Variants in HIPK3 observed in about 807,000 individuals in gnomAD.
The protein encoded by HIPK3 is homeodomain-interacting protein kinase 3.
A neutral mutation model predicts 124.2 loss-of-function variants in HIPK3; 47 were observed. That is an observed-to-expected ratio of 0.38 (90% CI 0.30 to 0.48). The LOEUF is 0.48. Among genes scored for constraint, HIPK3 ranks in the 20% least tolerant of loss-of-function variants. HIPK3 has a pLI of 0.98. For missense variants in HIPK3, 1,286 were observed against 1,454.3 expected (o/e 0.88, Z 1.88); for synonymous variants, 482 against 515.2 (o/e 0.94, Z 0.87).
rs79792959 is a variant in HIPK3 at position 33,285,434 on chromosome 11, G to A, written c.-2-979G>A. On this transcript the variant is annotated intron_variant, in intron 1 of 16. Transcript: ENST00000303296. Reference sequence around the variant, plus strand: ...GGTAGAAAGTCATTAACTTGTCTTTGTAATATAATGCTTTTTAAGATCAAA... The same window carrying A: ...GGTAGAAAGTCATTAACTTGTCTTTATAATATAATGCTTTTTAAGATCAAA... 5.3e-3 allele frequency among the ~76,000 whole-genome samples: 802 copies of A among 152,138 alleles called. 8 individuals are homozygous for A. Among genetic ancestry groups the A allele is most frequent in the Middle Eastern group, 0.027 (8 of 292 alleles).
chr11:33,299,023 T>A (rs1851917560), intron 2 of HIPK3, among the ~76,000 whole-genome samples: 4 of 151,862 alleles, frequency 2.6e-5, no homozygotes. Context: ...ATTTTTGTAT[T>A]TTTAGTAGAG....
chr11:33,322,912 G>T (rs1852707293), intron 2 of HIPK3, among the ~76,000 whole-genome samples: 1 of 152,202 alleles, frequency 6.6e-6, no homozygotes, highest in Non-Finnish European at 1.5e-5. Flanking sequence ...GAATAGGCCA[G>T]TTCTGTCTGA....
chr11:33,287,104 T>C lies in HIPK3; in HGVS notation c.690T>C (p.Asn230=). The C allele has an allele frequency of 6.2e-7, 1 of 1,614,202 alleles. No homozygotes were observed. Among genetic ancestry groups the C allele is most frequent in the South Asian group, 1.1e-5 (1 of 91,084 alleles). The change falls in exon 2 of 17, where the codon AAT becomes AAC. Residue 230 remains asparagine (N), a synonymous_variant. Transcript: ENST00000303296. ...TTGTAGCAATCAAAATTTTGAAGAATCATCCTTCTTATGCCCGTCAAGGTC... is the reference window on the plus strand; with the variant it reads ...TTGTAGCAATCAAAATTTTGAAGAACCATCCTTCTTATGCCCGTCAAGGTC... The part of the protein sequence containing the change: ...NEIVAIKILK[N]HPSYARQGQI...
chr11:33,339,889 T>C (rs567801469), intron 6 of HIPK3, among the ~76,000 whole-genome samples: 1 of 152,358 alleles, frequency 6.6e-6, no homozygotes, highest in South Asian at 2.1e-4. Context: ...GGTTCTATCA[T>C]ATTTTGAGTC....
At chr11:33,333,887 A>G (rs936421424) in intron 3 of HIPK3, among the ~76,000 whole-genome samples, 3 of 152,226 alleles carry the variant, frequency 2.0e-5, no homozygotes, top group African/African-American at 7.2e-5. Context: ...TTTAGCATCT[A>G]GCAAATAATA....
At chr11:33,299,849 C>A (rs1266851885) in intron 2 of HIPK3, among the ~76,000 whole-genome samples, 1 of 151,508 alleles carries the variant, frequency 6.6e-6, no homozygotes, top group Non-Finnish European at 1.5e-5. Context: ...TGTGGTGGGA[C>A]CTCATCTCTA....
intron 2 of HIPK3, among the ~76,000 whole-genome samples, chr11:33,290,885 C>T (rs1048732734): frequency 2.6e-5 from 4 of 152,054 alleles, no homozygotes; most frequent in African/African-American, 7.2e-5. Flanking sequence ...ATTTACCCGA[C>T]GTTCAGAAGC....
At chr11:33,279,191 A>G (rs974558497) in intron 1 of HIPK3, among the ~76,000 whole-genome samples, 4 of 151,640 alleles carry the variant, frequency 2.6e-5, no homozygotes, top group African/African-American at 9.7e-5. Context: ...GTGTATGCCT[A>G]TAATCCCAGC....
chr11:33,291,089 T>C (rs2133908823), intron 2 of HIPK3, among the ~76,000 whole-genome samples: 1 of 152,314 alleles, frequency 6.6e-6, no homozygotes, highest in Admixed American at 6.5e-5. Flanking sequence ...TGAAAATATA[T>C]TGTAGTCCTT....
rs1271172227 is a variant in HIPK3 at position 33,341,658 on chromosome 11, A to G, written c.1869A>G (p.Thr623=). The G allele has an allele frequency of 6.2e-6, 10 of 1,613,356 alleles. No individual in the cohort carries two copies. Among genetic ancestry groups the G allele is most frequent in the South Asian group, 2.2e-5 (2 of 90,886 alleles). The change falls in exon 8 of 17, where the codon ACA becomes ACG. Residue 623 remains threonine, a synonymous_variant. Coordinates refer to ENST00000303296, the MANE Select transcript of HIPK3 (RefSeq NM_005734.5). ...QFGCGDAFQQ[T]LIICPPAIQG... ...GTTGTGGTGATGCTTTTCAGCAGAC[A>G]TTGATTATCTGTCCCCCAGCTATTC...
chr11:33,324,471 T>C (rs1207573480), intron 2 of HIPK3, among the ~76,000 whole-genome samples: 4 of 152,156 alleles, frequency 2.6e-5, no homozygotes, highest in Non-Finnish European at 5.9e-5. Flanking sequence ...AGATAACGTA[T>C]TGTGAAATGA....
In HIPK3 at chr11:33,353,680, G is replaced by T; in HGVS notation, c.*112G>T. ...AATTATTTTTGAATCATGTAGACTT[G>T]GGTGCAATTTAAACAACTTTGAGCT... On this transcript the variant is annotated 3_prime_UTR_variant, in exon 17 of 17. Transcript: ENST00000303296. 1.3e-6 allele frequency: 1 copy of T among 760,952 alleles called. No homozygotes were observed. Among genetic ancestry groups the T allele is most frequent in the East Asian group, 2.6e-5 (1 of 37,882 alleles). 47.1% of individuals were successfully genotyped at this position (760,952 alleles called of 1,614,324 possible). A position where few individuals can be genotyped will look rare whatever the true frequency, so the allele number is the denominator to read the frequency against.
At chr11:33,347,571 G>C in intron 9 of HIPK3, 58 bp from the exon 10 acceptor site, 4 of 1,589,568 alleles carry the variant, frequency 2.5e-6, no homozygotes, top group Non-Finnish European at 3.4e-6. Context: ...TTAAGATATG[G>C]TAAAGTTCAA....
chr11:33,317,843 T>C (rs1323702672), intron 2 of HIPK3, among the ~76,000 whole-genome samples: 1 of 152,198 alleles, frequency 6.6e-6, no homozygotes. Context: ...CTGTGACTAA[T>C]CACACCTACT....
chr11:33,320,643 A>G (rs909501615), intron 2 of HIPK3, among the ~76,000 whole-genome samples: 1 of 152,212 alleles, frequency 6.6e-6, no homozygotes, highest in Non-Finnish European at 1.5e-5. Context: ...TAGATACACC[A>G]TATTTTGAAG....
At position 33,286,954 on chromosome 11, in the gene HIPK3, T is replaced by C; in HGVS notation, c.540T>C (p.Gly180=). ...GSKQNCTTGE[G]DYQLVQHEVL... ...AACAGAATTGTACCACTGGAGAAGG[T>C]GACTATCAGTTAGTACAGCATGAAG... The change falls in exon 2 of 17, where the codon GGT becomes GGC. Residue 180 remains glycine, a synonymous_variant. Coordinates refer to ENST00000303296, the MANE Select transcript of HIPK3 (RefSeq NM_005734.5). The C allele has an allele frequency of 1.2e-6, 2 of 1,614,144 alleles. No homozygotes were observed. The highest frequency in any genetic ancestry group is 1.7e-6 in the Non-Finnish European group (2 of 1,179,976).
Position 33,341,637 on chromosome 11 carries a change from T to C in HIPK3, c.1848T>C (p.Cys616=). The C allele has an allele frequency of 6.2e-7, 1 of 1,613,840 alleles. No individual in the cohort carries two copies. Among genetic ancestry groups the C allele is most frequent in the Non-Finnish European group, 8.5e-7 (1 of 1,179,800 alleles). ...PLQAGTAQFG[C]GDAFQQTLII... is the part of the protein sequence containing the mutation. ...AGGCAGGAACTGCTCAGTTTGGTTG[T>C]GGTGATGCTTTTCAGCAGACATTGA... The change falls in exon 8 of 17, where the codon TGT becomes TGC. Residue 616 remains cysteine, a synonymous_variant. Transcript: ENST00000303296.
chr11:33,288,811 G>T (rs1053177118), intron 2 of HIPK3, among the ~76,000 whole-genome samples: 17 of 152,020 alleles, frequency 1.1e-4, no homozygotes, highest in African/African-American at 3.9e-4. Flanking sequence ...TATGTTCTTG[G>T]TATTTGCTAA....
intron 8 of HIPK3, among the ~76,000 whole-genome samples, chr11:33,345,979 AT>A: frequency 6.6e-6 from 1 of 152,302 alleles, no homozygotes; most frequent in South Asian, 2.1e-4. Flanking sequence ...TCAACATCAC[AT>A]TTATCCCCAA....
Sources: gnomAD v4.1 joint callset for allele counts (sites outside exome capture counted in the v4.1 genomes callset) on GRCh38, gnomAD v4.1.1 for gene constraint, MANE v1.5 for transcripts, NCBI Gene and HGNC (gene_info 2026-07-23, HGNC 2026-07-21) for gene names.